The following LTBP2 variants were observed in gnomAD, a reference collection of about 807,000 sequenced individuals.
The protein encoded by LTBP2 is latent-transforming growth factor beta-binding protein 2.
In LTBP2, 103 loss-of-function variants were observed where a neutral mutation model predicts 210.6. The ratio of observed to expected loss-of-function variants is 0.49; its 90% CI spans 0.42 to 0.58. The LOEUF is 0.58. Among genes scored for constraint, LTBP2 ranks in the 20% least tolerant of loss-of-function variants. LTBP2 has a pLI of 0.00. For missense variants in LTBP2, 2,313 were observed against 2,494.5 expected, an observed-to-expected ratio of 0.93 and a Z score of 1.55; for synonymous variants, 1,007 against 1,015.0, an observed-to-expected ratio of 0.99 and a Z score of 0.15.
At chr14:74,567,903 C>T (rs199554486) in intron 3 of LTBP2, among the ~76,000 whole-genome samples, 4 of 152,152 alleles carry the variant, frequency 2.6e-5, no homozygotes. Flanking sequence ...CGAGTTCCCT[C>T]GGGAAGACTT....
intron 2 of LTBP2, among the ~76,000 whole-genome samples, chr14:74,587,099 C>T (rs1334525907): frequency 6.6e-6 from 1 of 152,198 alleles, no homozygotes; most frequent in Non-Finnish European, 1.5e-5. Flanking sequence ...GCCAAGGGAA[C>T]ATTCCACGCA....
intron 2 of LTBP2, among the ~76,000 whole-genome samples, chr14:74,600,367 C>T (rs143519359): frequency 1.3e-3 from 198 of 152,246 alleles, no homozygotes; most frequent in African/African-American, 4.2e-3. Context: ...CAGGGTGAGA[C>T]GGCCAGGGAG....
chr14:74,612,143 C>T lies in LTBP2; in HGVS notation c.-199G>A. ...GCGCCCCGAGCCTCGAGTCCGCGCT[C>T]CTACTCCAGCTGGGCTCGCACGGCT... On this transcript the variant is annotated 5_prime_UTR_variant, in exon 1 of 36. Coordinates refer to ENST00000261978, the MANE Select transcript of LTBP2 (RefSeq NM_000428.3). 1.8e-6 allele frequency: 1 copy of T among 549,086 alleles called. No homozygotes were observed. Among genetic ancestry groups the T allele is most frequent in the Non-Finnish European group, 3.1e-6 (1 of 325,972 alleles). The allele number at this position is 549,086 out of a possible 1,614,324, so 34.0% of individuals were successfully genotyped here. A position where few individuals can be genotyped will look rare whatever the true frequency, so the allele number is the denominator to read the frequency against.
intron 7 of LTBP2, 115 bp from the exon 8 acceptor site, chr14:74,550,080 G>A: frequency 1.4e-6 from 1 of 736,408 alleles, no homozygotes; most frequent in South Asian, 1.5e-5. Context: ...TCTGCCAGAG[G>A]ATGTCCCCAG....
At chr14:74,503,636 C>T (rs2086944780) in intron 31 of LTBP2, 30 bp from the exon 32 acceptor site, 1 of 1,611,366 alleles carries the variant, frequency 6.2e-7, no homozygotes, top group African/African-American at 1.3e-5. Flanking sequence ...TGGGGCATTG[C>T]CAAGGTGGCC....
chr14:74,540,877 A>AATATATATATTTATATAAT (rs1555350214), intron 8 of LTBP2, among the ~76,000 whole-genome samples: 1 of 79,530 alleles, frequency 1.3e-5, no homozygotes, highest in Non-Finnish European at 2.4e-5. Flanking sequence ...TTATATATAT[A>AATATATATATTTATATAAT]ATATATATAT....
At chr14:74,560,920 A>T (rs1000647542) in intron 3 of LTBP2, among the ~76,000 whole-genome samples, 2 of 152,250 alleles carry the variant, frequency 1.3e-5, no homozygotes, top group African/African-American at 4.8e-5. Context: ...AGACTTGAAC[A>T]TCCATGAATT....
In LTBP2 at chr14:74,543,422, T is replaced by C. The variant is rs371451297; in HGVS notation, c.1789+6441A>G. 7.8e-4 allele frequency among the ~76,000 whole-genome samples: 117 copies of C among 150,434 alleles called. 1 individual carries two copies. The highest frequency in any genetic ancestry group is 2.7e-3 in the African/African-American group (112 of 40,960). ...ACAGTGAGGACGAAGACTCAGCTTGTGGAGTCATTGTGAGGATTAGCTTTG... is the reference window on the plus strand; with the variant it reads ...ACAGTGAGGACGAAGACTCAGCTTGCGGAGTCATTGTGAGGATTAGCTTTG... On this transcript the variant is annotated intron_variant, in intron 8 of 35. Coordinates refer to ENST00000261978, the MANE Select transcript of LTBP2 (RefSeq NM_000428.3).
intron 4 of LTBP2, among the ~76,000 whole-genome samples, chr14:74,553,774 A>G (rs572450349): frequency 2.0e-5 from 3 of 152,192 alleles, no homozygotes; most frequent in Admixed American, 6.5e-5. Context: ...AAATTGGGCT[A>G]TTAATTCAGT....
At chr14:74,507,575 C>G (rs2087007452) in intron 25 of LTBP2, among the ~76,000 whole-genome samples, 1 of 152,228 alleles carries the variant, frequency 6.6e-6, no homozygotes, top group African/African-American at 2.4e-5. Flanking sequence ...CCATCTGTCT[C>G]CTATCCCTAC....
rs374473075 is a variant in LTBP2 at position 74,586,132 on chromosome 14, G to A, written c.566-14C>T. On this transcript the variant is annotated splice_polypyrimidine_tract_variant and intron_variant, in intron 2 of 35. Coordinates refer to ENST00000261978, the MANE Select transcript of LTBP2 (RefSeq NM_000428.3). The surrounding 1 kb of genome is among the most constrained non-coding windows in gnomAD (Gnocchi z 4.6). ...GCTCGCAAACGGCTGAGGACACAGG[G>A]AGAGAGGTGACAGCAGTGGCCATAG... The A allele has an allele frequency of 3.8e-6, 6 of 1,587,604 alleles. No individual in the cohort carries two copies. The East Asian group carries it at 1.1e-4, about 30-fold the overall frequency.
rs1264548905 is a variant in LTBP2 at position 74,506,876 on chromosome 14, T to TGTGCGC, written c.3908-59_3908-54dup. 18 of 1,334,674 alleles carry TGTGCGC rather than the reference T, an allele frequency of 1.3e-5. No homozygotes were observed. The African/African-American group carries it at 2.1e-4, about 15-fold the overall frequency. 82.7% of individuals were successfully genotyped at this position (1,334,674 alleles called of 1,614,324 possible). A position where few individuals can be genotyped will look rare whatever the true frequency, so the allele number is the denominator to read the frequency against. On this transcript the variant is annotated intron_variant, in intron 26 of 35. Coordinates refer to ENST00000261978, the MANE Select transcript of LTBP2 (RefSeq NM_000428.3). The stretch of plus-strand genomic sequence containing the variant: ...GGATGTGTGTGTGTGTGTGTGTGTG[T>TGTGCGC]GTGCGCGCGCGCGTGTGTGCTCACT...
In LTBP2 at chr14:74,611,653, G is replaced by T. The variant is rs781056688; in HGVS notation, c.292C>A (p.Pro98Thr). The T allele has an allele frequency of 9.0e-6, 14 of 1,555,740 alleles. No homozygotes were observed. The African/African-American group carries it at 1.5e-4, about 17-fold the overall frequency. Residue 98 changes from proline (P) to threonine (T), a missense_variant, in exon 1 of 36, where the codon CCC becomes ACC. Pro to Thr is a conservative substitution (Grantham distance 38). Around this residue, in one of 3 missense-constraint regions of LTBP2, gnomAD observed 1,867 missense variants for 1,976.9 expected, o/e 0.94. Transcript: ENST00000261978. ...GGCCTCCTGGCCTCCGCCTCGGTGG[G>T]CCTCCTGGGGCTCCCCCAGCCCGGC... ...AQPGWGSPRRPTEAEARRPSR... is the reference protein window; with the variant it reads ...AQPGWGSPRRTTEAEARRPSR...
chr14:74,573,198 G>C (rs190923658), intron 3 of LTBP2, among the ~76,000 whole-genome samples: 1 of 152,334 alleles, frequency 6.6e-6, no homozygotes, highest in African/African-American at 2.4e-5. Flanking sequence ...TTCGCACAAT[G>C]ACTATAATCA....
chr14:74,532,126 G>C (rs1250327666), intron 10 of LTBP2, among the ~76,000 whole-genome samples: 1 of 151,986 alleles, frequency 6.6e-6, no homozygotes, highest in Non-Finnish European at 1.5e-5. Flanking sequence ...GCTACACATG[G>C]AACAGAAATG....
chr14:74,551,041 T>G, intron 7 of LTBP2, 23 bp downstream of exon 7: 2 of 1,613,446 alleles, frequency 1.2e-6, no homozygotes, highest in Non-Finnish European at 1.7e-6. Context: ...CATCCAGGGC[T>G]GAGGCCAGAG....
rs570005344 is a variant in LTBP2, at chr14:74,510,801, C to T, written c.3028+444G>A. 5.3e-5 allele frequency among the ~76,000 whole-genome samples: 8 copies of T among 152,372 alleles called. No individual in the cohort carries two copies. In the East Asian group the frequency reaches 5.8e-4, roughly 11 times the overall value. On this transcript the variant is annotated intron_variant, in intron 19 of 35. Coordinates refer to ENST00000261978, the MANE Select transcript of LTBP2 (RefSeq NM_000428.3). ...GAGGGGGCTGCAGGAAAAGAGCACA[C>T]GCCTCCTACTGCAGACCTGCTGCCC...
At chr14:74,604,702 G>A (rs2088500231) in intron 1 of LTBP2, among the ~76,000 whole-genome samples, 5 of 152,008 alleles carry the variant, frequency 3.3e-5, no homozygotes. Flanking sequence ...TGTTGGCCAG[G>A]GTGGTCTCAA....
rs188272239 is a variant in LTBP2, at chr14:74,505,135, G to A, written c.4217C>T (p.Pro1406Leu). 226 of 1,613,642 alleles carry A rather than the reference G, an allele frequency of 1.4e-4. No individual in the cohort carries two copies. The highest frequency in any genetic ancestry group is 5.0e-4 in the Admixed American group (30 of 60,036). Residue 1406 changes from proline to leucine, a missense_variant, in exon 29 of 36, where the codon CCG becomes CTG. By Grantham distance (98) the Pro-to-Leu change is moderately conservative. Coordinates refer to ENST00000261978, the MANE Select transcript of LTBP2 (RefSeq NM_000428.3). The stretch of plus-strand genomic sequence containing the variant: ...GTAGCAGTCCATGCGGGTGGGGGCC[G>A]GGGCATGGTCCCCCGTTGGGGCCTC... ...MSEAPTGDHA[P>L]APTRMDCYSG...
Sources: gnomAD v4.1 joint callset for allele counts (sites outside exome capture counted in the v4.1 genomes callset) on GRCh38, gnomAD v4.1.1 for gene constraint, gnomAD v4.1.1 regional missense constraint, Gnocchi (gnomAD v3.1) non-coding constraint, MANE v1.5 for transcripts, NCBI Gene and HGNC (gene_info 2026-07-23, HGNC 2026-07-21) for gene names.